Variants in PTPRN2 observed in about 807,000 individuals in gnomAD.
PTPRN2 encodes the protein protein tyrosine phosphatase receptor type N2, also known as receptor-type tyrosine-protein phosphatase N2.
In PTPRN2, 74 loss-of-function variants were observed where a neutral mutation model predicts 118.8. The ratio of observed to expected loss-of-function variants is 0.62; its 90% CI spans 0.52 to 0.76. PTPRN2 has a LOEUF of 0.76. PTPRN2 is among the 30% of genes least tolerant of loss of function. PTPRN2 has a pLI of 0.00. For synonymous variants in PTPRN2, 641 were observed against 608.0 expected (o/e 1.05, Z -0.80); for missense variants, 1,481 against 1,394.4 (o/e 1.06, Z -0.99).
intron 2 of PTPRN2, among the ~76,000 whole-genome samples, chr7:158,434,537 C>T (rs1405625490): frequency 6.6e-6 from 1 of 152,062 alleles, no homozygotes; most frequent in Non-Finnish European, 1.5e-5. Flanking sequence ...GCGTTTCAAA[C>T]TTTTATATCT....
intron 3 of PTPRN2, among the ~76,000 whole-genome samples, chr7:158,311,611 C>T (rs1238490666): frequency 1.3e-5 from 2 of 152,208 alleles, no homozygotes; most frequent in Non-Finnish European, 2.9e-5. Flanking sequence ...AATTAACTCC[C>T]ATTTACCCTC....
chr7:157,763,862 C>T lies in PTPRN2; in HGVS notation c.1789-80925G>A, dbSNP rs1413878923. Among the ~76,000 whole-genome samples the T allele has an allele frequency of 6.6e-6, 1 of 152,074 alleles. No individual in the cohort carries two copies. Among genetic ancestry groups the T allele is most frequent in the Admixed American group, 6.5e-5 (1 of 15,276 alleles). ...CTGCCCCATGTGGCTGCCCCATCCC[C>T]CAGAGCACCACGGTGCCCACCTTTT... On this transcript the variant is annotated intron_variant, in intron 12 of 22. Coordinates refer to ENST00000389418, the MANE Select transcript of PTPRN2 (RefSeq NM_002847.5). This position sits in a 1 kb window ranked among gnomAD's most constrained non-coding sequence, Gnocchi z 4.9.
Position 157,729,401 on chromosome 7 carries a change from C to G in PTPRN2, c.1789-46464G>C, listed in dbSNP as rs555511011. Among the ~76,000 whole-genome samples the G allele has an allele frequency of 1.3e-5, 2 of 152,210 alleles. No homozygotes were observed. The highest frequency in any genetic ancestry group is 3.9e-4 in the East Asian group (2 of 5,166). On this transcript the variant is annotated intron_variant, in intron 12 of 22. Transcript: ENST00000389418. The surrounding 1 kb of genome is among the most constrained non-coding windows in gnomAD (Gnocchi z 4.3). ...CAGGTCCCGGACCCCCCACTCTGCTCCCGTGGACAGCTCCATCTTCAGCAG... is the reference window on the plus strand; with the variant it reads ...CAGGTCCCGGACCCCCCACTCTGCTGCCGTGGACAGCTCCATCTTCAGCAG...
At chr7:157,939,906 G>C (rs1456018102) in intron 11 of PTPRN2, among the ~76,000 whole-genome samples, 2 of 152,202 alleles carry the variant, frequency 1.3e-5, no homozygotes, top group Non-Finnish European at 2.9e-5. Context: ...TGGAGGCAAT[G>C]CTTCCTGAAT....
intron 12 of PTPRN2, among the ~76,000 whole-genome samples, chr7:157,723,002 G>A (rs1034911018): frequency 3.9e-5 from 6 of 152,336 alleles, no homozygotes; most frequent in African/African-American, 1.2e-4. Flanking sequence ...GCAGAGTTTC[G>A]TTACCATTTC....
chr7:157,569,110 C>T (rs1210172913), intron 20 of PTPRN2, 144 bp from the exon 21 acceptor site: 1 of 810,182 alleles, frequency 1.2e-6, no homozygotes, highest in Non-Finnish European at 2.0e-6. Context: ...GGAGGAAGGA[C>T]GCGGGCTGGG....
intron 2 of PTPRN2, among the ~76,000 whole-genome samples, chr7:158,380,272 T>G (rs1223995282): frequency 2.0e-5 from 3 of 152,200 alleles, no homozygotes; most frequent in African/African-American, 4.8e-5. Context: ...ACAAGGCAAG[T>G]CCCTTCCACC....
rs189993681 is a variant in PTPRN2 at position 157,751,038 on chromosome 7, G to T, written c.1789-68101C>A. The stretch of plus-strand genomic sequence containing the variant: ...CTAAAGAGCCTCCTCACCAGTGAGC[G>T]TCCTGCCCAACTCTGGGAAAACCTC... On this transcript the variant is annotated intron_variant, in intron 12 of 22. Coordinates refer to ENST00000389418, the MANE Select transcript of PTPRN2 (RefSeq NM_002847.5). 3.3e-5 allele frequency among the ~76,000 whole-genome samples: 5 copies of T among 152,240 alleles called. No homozygotes were observed. In the East Asian group the frequency reaches 7.7e-4, roughly 23 times the overall value.
At chr7:158,549,909 G>A (rs935705811) in intron 1 of PTPRN2, among the ~76,000 whole-genome samples, 3 of 152,184 alleles carry the variant, frequency 2.0e-5, no homozygotes, top group Non-Finnish European at 2.9e-5. Flanking sequence ...TGTGCATGAC[G>A]TGACCTCACT....
chr7:157,974,475 G>A lies in PTPRN2; in HGVS notation c.1724-75738C>T, dbSNP rs1435773871. 6.6e-6 allele frequency among the ~76,000 whole-genome samples: 1 copy of A among 152,224 alleles called. No homozygotes were observed. On this transcript the variant is annotated intron_variant, in intron 11 of 22. Transcript: ENST00000389418. This position sits in a 1 kb window ranked among gnomAD's most constrained non-coding sequence, Gnocchi z 4.0. ...TTCGAGAAGACAGAGACAGAGTGAA[G>A]CCTCAAGAACAGTGTTCACTGGCAG...
In PTPRN2 at chr7:157,622,306, G is replaced by A. The variant is rs777733417; in HGVS notation, c.2197-797C>T. Among the ~76,000 whole-genome samples the A allele has an allele frequency of 5.9e-5, 9 of 152,004 alleles. No individual in the cohort carries two copies. Among genetic ancestry groups the A allele is most frequent in the Non-Finnish European group, 1.0e-4 (7 of 68,006 alleles). ...TACTGTGTGTCATGTGTAGACACAGGTTCCAAGTGTGTCCACACGAGAAAA... is the reference window on the plus strand; with the variant it reads ...TACTGTGTGTCATGTGTAGACACAGATTCCAAGTGTGTCCACACGAGAAAA... On this transcript the variant is annotated intron_variant, in intron 14 of 22. Transcript: ENST00000389418. This position sits in a 1 kb window ranked among gnomAD's most constrained non-coding sequence, Gnocchi z 5.3.
intron 11 of PTPRN2, among the ~76,000 whole-genome samples, chr7:157,910,430 C>T (rs927977706): frequency 7.0e-6 from 1 of 143,408 alleles, no homozygotes; most frequent in Non-Finnish European, 1.5e-5. Context: ...GCCGTGGGAA[C>T]GGGTCCAGGA....
At chr7:157,575,780 C>T (rs1428834713) in intron 19 of PTPRN2, among the ~76,000 whole-genome samples, 4 of 152,124 alleles carry the variant, frequency 2.6e-5, no homozygotes. Flanking sequence ...ATTTTTTCTT[C>T]TTATTCTCCT....
chr7:158,131,111 CAA>C lies in PTPRN2; in HGVS notation c.1556+2564_1556+2565del, dbSNP rs561963741. Among the ~76,000 whole-genome samples, 684 of 144,768 alleles carry C rather than the reference CAA, an allele frequency of 4.7e-3. 10 individuals carry two copies. The highest frequency in any genetic ancestry group is 0.018 in the African/African-American group (655 of 36,578). 95.0% of individuals were successfully genotyped at this position (144,768 alleles called of 152,430 possible). On this transcript the variant is annotated intron_variant, in intron 9 of 22. Transcript: ENST00000389418. Reference sequence around the variant, plus strand: ...CGCACATACACAGATACACATCTACCAAACACACACTCATACGCACATACACA... The same window carrying C: ...CGCACATACACAGATACACATCTACCACACACACTCATACGCACATACACA...
intron 11 of PTPRN2, among the ~76,000 whole-genome samples, chr7:158,070,293 G>GTGATGGAGGTGCTCA (rs1563386061): frequency 5.6e-5 from 8 of 143,824 alleles, no homozygotes; most frequent in African/African-American, 2.4e-4. Flanking sequence ...GGTGCTCGTG[G>GTGATGGAGGTGCTCA]TGGTGGAGGT....
At chr7:157,737,473 G>A (rs1800368230) in intron 12 of PTPRN2, among the ~76,000 whole-genome samples, 1 of 152,264 alleles carries the variant, frequency 6.6e-6, no homozygotes. Context: ...CTCACCTCCA[G>A]TGGAAGCTAA....
In PTPRN2 at chr7:158,340,809, C is replaced by G. The variant is rs1236770356; in HGVS notation, c.164-23877G>C. Among the ~76,000 whole-genome samples the G allele has an allele frequency of 2.3e-4, 20 of 86,646 alleles. 1 individual carries two copies. Among genetic ancestry groups the G allele is most frequent in the African/African-American group, 9.4e-4 (20 of 21,250 alleles). The allele number at this position is 86,646 out of a possible 152,430, so 56.8% of individuals were successfully genotyped here. A position where few individuals can be genotyped will look rare whatever the true frequency, so the allele number is the denominator to read the frequency against. On this transcript the variant is annotated intron_variant, in intron 2 of 22. Transcript: ENST00000389418. ...GACACCTGCAGACGTCACTCACACC[C>G]ACACATGTCACTCACACCCACACTC...
chr7:158,289,667 A>C (rs1383236999), intron 3 of PTPRN2, among the ~76,000 whole-genome samples: 1 of 144,452 alleles, frequency 6.9e-6, no homozygotes, highest in Non-Finnish European at 1.5e-5. Flanking sequence ...ATTTCTTTGG[A>C]GTCTGCTGCT....
In PTPRN2 at chr7:157,879,365, G is replaced by A. The variant is rs113435968; in HGVS notation, c.1788+19308C>T. On this transcript the variant is annotated intron_variant, in intron 12 of 22. Coordinates refer to ENST00000389418, the MANE Select transcript of PTPRN2 (RefSeq NM_002847.5). ...CCAACACGCACACCCAAACACACAC[G>A]CATGCACGTGCATGTGCACACACAC... Among the ~76,000 whole-genome samples the A allele has an allele frequency of 3.0e-4, 45 of 152,260 alleles. No individual in the cohort carries two copies. The East Asian group carries it at 5.6e-3, about 19-fold the overall frequency.
Sources: gnomAD v4.1 joint callset for allele counts (sites outside exome capture counted in the v4.1 genomes callset) on GRCh38, gnomAD v4.1.1 for gene constraint, Gnocchi (gnomAD v3.1) non-coding constraint, MANE v1.5 for transcripts, NCBI Gene and HGNC (gene_info 2026-07-23, HGNC 2026-07-21) for gene names.